KLRG1: variants seen among roughly 807,000 people sequenced by gnomAD.
KLRG1 encodes the protein killer cell lectin like receptor G1.
In KLRG1, 16 loss-of-function variants were observed where a neutral mutation model predicts 21.8. That is an observed-to-expected ratio of 0.73 (90% CI 0.50 to 1.11). KLRG1 has a LOEUF of 1.11. KLRG1 is among the 50% of genes most tolerant of loss of function. The pLI is 0.00. For synonymous variants in KLRG1, 69 were observed against 75.9 expected (o/e 0.91, Z 0.47); for missense variants, 173 against 218.3 (o/e 0.79, Z 1.31).
At chr12:9,148,010 C>T in the KLRG1 span, among the ~76,000 whole-genome samples, 1 of 150,982 alleles carries the variant, frequency 6.6e-6, no homozygotes, top group Non-Finnish European at 1.5e-5. Flanking sequence ...GATTTTTTTT[C>T]TCTCCATAAA....
chr12:9,068,316 T>A, the KLRG1 span: 133 of 1,266,160 alleles, frequency 1.1e-4, no homozygotes, highest in Non-Finnish European at 1.4e-4. Flanking sequence ...AAGGAAGGAG[T>A]TTGTTGTGGG....
chr12:9,063,279 G>C, the KLRG1 span, among the ~76,000 whole-genome samples: 1 of 152,026 alleles, frequency 6.6e-6, no homozygotes, highest in Non-Finnish European at 1.5e-5. Flanking sequence ...TTATATTCTT[G>C]TCATAACAAC....
At chr12:9,205,322 T>A in the KLRG1 span, among the ~76,000 whole-genome samples, 5 of 152,094 alleles carry the variant, frequency 3.3e-5, no homozygotes, top group Non-Finnish European at 7.4e-5. Context: ...TTCAATATAA[T>A]CTCTCCACAC....
intron 1 of KLRG1, among the ~76,000 whole-genome samples, chr12:8,983,298 A>G (rs1224505216): frequency 7.4e-6 from 1 of 135,582 alleles, no homozygotes; most frequent in Non-Finnish European, 1.6e-5. Flanking sequence ...CAAATTTGCT[A>G]TTTTCTCTGC....
the KLRG1 span, chr12:9,153,340 T>A: frequency 6.2e-7 from 1 of 1,613,290 alleles, no homozygotes; most frequent in Admixed American, 1.7e-5. Context: ...GCCACCACTG[T>A]GTCCTGGAAG....
chr12:9,104,223 T>G, the KLRG1 span: 1 of 1,601,712 alleles, frequency 6.2e-7, no homozygotes, highest in Non-Finnish European at 8.5e-7. Flanking sequence ...CATTGGTAAT[T>G]TCTTTCCAAA....
the KLRG1 span, chr12:9,079,713 A>C: frequency 6.2e-7 from 1 of 1,613,752 alleles, no homozygotes; most frequent in Non-Finnish European, 8.5e-7. Flanking sequence ...ATAATCCAGT[A>C]CATAGATGTT....
At chr12:9,113,383 C>T in the KLRG1 span, 77 of 1,613,498 alleles carry the variant, frequency 4.8e-5, 1 homozygote, top group South Asian at 2.7e-4. Flanking sequence ...CAGTGGAGTA[C>T]GTCATTCTCC....
At chr12:9,050,886 G>T in the KLRG1 span, among the ~76,000 whole-genome samples, 1 of 152,204 alleles carries the variant, frequency 6.6e-6, no homozygotes, top group African/African-American at 2.4e-5. Flanking sequence ...CCACTGCCTG[G>T]CCTCTCTCTG....
At chr12:9,066,179 G>A in the KLRG1 span, 1 of 152,512 alleles carries the variant, frequency 6.6e-6, no homozygotes, top group Non-Finnish European at 1.5e-5. Context: ...GCACAGCAAG[G>A]TTAAAAGAGC....
the KLRG1 span, among the ~76,000 whole-genome samples, chr12:9,171,498 G>A: frequency 6.6e-6 from 1 of 152,210 alleles, no homozygotes; most frequent in Admixed American, 6.5e-5. Context: ...ACAGAACCGG[G>A]CTGAGGCTAA....
chr12:9,131,563 T>A, the KLRG1 span, among the ~76,000 whole-genome samples: 1 of 152,124 alleles, frequency 6.6e-6, no homozygotes, highest in Middle Eastern at 3.4e-3. Context: ...AAAAGTTAGA[T>A]CAAAGGGTAA....
At chr12:8,972,393 G>A (rs557881689) in intron 1 of KLRG1, among the ~76,000 whole-genome samples, 24 of 152,112 alleles carry the variant, frequency 1.6e-4, no homozygotes, top group Non-Finnish European at 2.9e-4. Context: ...TCCTAACCTC[G>A]TGATCCGCCC....
the KLRG1 span, among the ~76,000 whole-genome samples, chr12:9,045,572 C>T: frequency 1.3e-5 from 2 of 151,882 alleles, no homozygotes; most frequent in Non-Finnish European, 1.5e-5. Flanking sequence ...AATTAACAGG[C>T]TGGAAATTTA....
the KLRG1 span, chr12:9,065,706 G>A: frequency 6.6e-6 from 1 of 152,400 alleles, no homozygotes; most frequent in South Asian, 2.1e-4. Flanking sequence ...AAGCTGGTGA[G>A]GGCTTGAAGC....
the KLRG1 span, among the ~76,000 whole-genome samples, chr12:9,044,731 CA>C: frequency 6.6e-6 from 1 of 151,728 alleles, no homozygotes; most frequent in African/African-American, 2.4e-5. Context: ...GGCAAGAACA[CA>C]GGGGAAATGA....
rs370894001 is a variant in KLRG1 at position 8,975,948 on chromosome 12, TTTC to T, written c.-155-16255_-155-16253del. Among the ~76,000 whole-genome samples the T allele has an allele frequency of 7.9e-4, 120 of 152,260 alleles. 2 individuals are homozygous for T. In the South Asian group the frequency reaches 0.025, roughly 31 times the overall value. ...GGTTTTGTCAATTTTCTTCTATTGT[TTTC>T]TTTTCTTTATTTGATTTATTTTTGC... On this transcript the variant is annotated intron_variant, in intron 1 of 4. Coordinates refer to the KLRG1 transcript ENST00000539240.
chr12:8,991,993 T>G (rs1341953649), intron 1 of KLRG1: 1 of 434,178 alleles, frequency 2.3e-6, no homozygotes, highest in Non-Finnish European at 4.1e-6. Context: ...TTCTTTATCT[T>G]GATAAATATA....
the KLRG1 span, chr12:9,072,412 T>C: frequency 6.2e-7 from 1 of 1,613,946 alleles, no homozygotes. Flanking sequence ...CATCACAAGT[T>C]TGAGGCAGAG....
Sources: allele counts gnomAD v4.1 joint callset (sites outside exome capture counted in the v4.1 genomes callset), GRCh38; gene constraint gnomAD v4.1.1; transcripts MANE v1.5; gene names NCBI Gene and HGNC (gene_info 2026-07-23, HGNC 2026-07-21).